The following VPS13D variants were observed in gnomAD, a reference collection of about 807,000 sequenced individuals.
VPS13D encodes intermembrane lipid transfer protein VPS13D.
Under a neutral mutation model 461.9 loss-of-function variants are expected in VPS13D, and 187 were observed. The ratio of observed to expected loss-of-function variants is 0.40; its 90% CI spans 0.36 to 0.46. VPS13D has a LOEUF of 0.46. Among genes scored for constraint, VPS13D ranks in the 20% least tolerant of loss-of-function variants. The pLI is 0.60. For synonymous variants in VPS13D, 1,951 were observed against 1,986.3 expected, an observed-to-expected ratio of 0.98 and a Z score of 0.47; for missense variants, 4,711 against 5,364.9, an observed-to-expected ratio of 0.88 and a Z score of 3.81.
intron 67 of VPS13D, among the ~76,000 whole-genome samples, chr1:12,468,147 G>A (rs1234425028): frequency 1.3e-5 from 2 of 152,122 alleles, no homozygotes; most frequent in African/African-American, 2.4e-5. Context: ...AAACTCTAAC[G>A]TGACACCTAA....
chr1:12,314,607 G>A lies in VPS13D; in HGVS notation c.7148+280G>A, dbSNP rs150765312. Among the ~76,000 whole-genome samples, 16 of 152,288 alleles carry A rather than the reference G, an allele frequency of 1.1e-4. No individual in the cohort carries two copies. The East Asian group carries it at 3.1e-3, about 29-fold the overall frequency. ...TGTAAGCTGTAGACTGTTTTAATTT[G>A]TAAAGTGGCTTGGAGAAGGAAGAAA... On this transcript the variant is annotated intron_variant, in intron 30 of 69. Transcript: ENST00000620676.
At chr1:12,261,509 A>G (rs116237596) in intron 12 of VPS13D, among the ~76,000 whole-genome samples, 73 of 152,370 alleles carry the variant, frequency 4.8e-4, no homozygotes, top group African/African-American at 1.6e-3. Context: ...TTCGAATTGA[A>G]TACAAGTAAA....
At chr1:12,380,602 G>T (rs796810478) in intron 57 of VPS13D, among the ~76,000 whole-genome samples, 7 of 152,346 alleles carry the variant, frequency 4.6e-5, no homozygotes, top group African/African-American at 1.7e-4. Flanking sequence ...AGGGGTCTGA[G>T]AAGTAGGAAG....
rs774400266 is a variant in VPS13D at position 12,276,754 on chromosome 1, G to T, written c.3166G>T (p.Ala1056Ser). 2 of 1,614,180 alleles carry T rather than the reference G, an allele frequency of 1.2e-6. No homozygotes were observed. Among genetic ancestry groups the T allele is most frequent in the East Asian group, 4.5e-5 (2 of 44,890 alleles). Residue 1056 changes from alanine to serine, a missense_variant, in exon 19 of 70, where the codon GCT (alanine) becomes TCT (serine). Coordinates refer to ENST00000620676, the MANE Select transcript of VPS13D (RefSeq NM_015378.4). This position sits in a 1 kb window ranked among gnomAD's most constrained non-coding sequence, Gnocchi z 4.5. ...GPNVAHLTDG[A>S]TLNDRSATSV... is the part of the protein sequence containing the mutation. ...GAATGTGGCCCACTTAACTGATGGAGCTACACTGAACGACCGATCAGCTAC... is the reference window on the plus strand; with the variant it reads ...GAATGTGGCCCACTTAACTGATGGATCTACACTGAACGACCGATCAGCTAC...
intron 63 of VPS13D, among the ~76,000 whole-genome samples, chr1:12,411,113 A>G (rs1644721401): frequency 6.6e-6 from 1 of 152,228 alleles, no homozygotes; most frequent in Admixed American, 6.5e-5. Flanking sequence ...AAAATAAGTC[A>G]AGGATGATCT....
intron 29 of VPS13D, 60 bp from the exon 30 acceptor site, chr1:12,314,055 C>T: frequency 6.7e-7 from 1 of 1,498,486 alleles, no homozygotes; most frequent in Non-Finnish European, 9.2e-7. Flanking sequence ...AACTTATATA[C>T]TTTTGTAAAA....
Position 12,460,192 on chromosome 1 carries a change from T to C in VPS13D, c.12467-9T>C. 1.3e-6 allele frequency: 2 copies of C among 1,563,016 alleles called. No individual in the cohort carries two copies. Among genetic ancestry groups the C allele is most frequent in the Non-Finnish European group, 1.7e-6 (2 of 1,153,286 alleles). ...GTCAGGTTACAACAGCCCTTGTCTT[T>C]TTCACTAGGTATCATTGGTGGACTG... On this transcript the variant is annotated splice_polypyrimidine_tract_variant and intron_variant, in intron 66 of 69. Transcript: ENST00000620676.
At chr1:12,396,372 G>A (rs746844874) in intron 60 of VPS13D, among the ~76,000 whole-genome samples, 27 of 152,122 alleles carry the variant, frequency 1.8e-4, no homozygotes, top group African/African-American at 6.0e-4. Context: ...TTAGATTGTC[G>A]CAAGTTTTTT....
rs184648124 is a variant in VPS13D at position 12,426,433 on chromosome 1, A to T, written c.12333+9606A>T. Among the ~76,000 whole-genome samples, 8 of 152,344 alleles carry T rather than the reference A, an allele frequency of 5.3e-5. No individual in the cohort carries two copies. The East Asian group carries it at 1.5e-3, about 29-fold the overall frequency. On this transcript the variant is annotated intron_variant, in intron 65 of 69. Coordinates refer to ENST00000620676, the MANE Select transcript of VPS13D (RefSeq NM_015378.4). ...AGCATTTCTAAACAACTAGGATATC[A>T]TTTTAAAATAATAGTGTTTAATTTT... is the stretch of plus-strand genomic sequence containing the variant.
chr1:12,296,259 C>T (rs1642272919), intron 24 of VPS13D, among the ~76,000 whole-genome samples: 2 of 152,178 alleles, frequency 1.3e-5, no homozygotes, highest in Non-Finnish European at 2.9e-5. Flanking sequence ...TCCAAAACAG[C>T]TGTCTCAATG....
chr1:12,321,227 A>T (rs1238703759), intron 32 of VPS13D, among the ~76,000 whole-genome samples: 1 of 152,202 alleles, frequency 6.6e-6, no homozygotes, highest in Non-Finnish European at 1.5e-5. Flanking sequence ...ATATATACCT[A>T]TCACCCAGTT....
At chr1:12,270,502 A>G (rs1442200047) in intron 16 of VPS13D, among the ~76,000 whole-genome samples, 18 of 152,188 alleles carry the variant, frequency 1.2e-4, no homozygotes, top group Non-Finnish European at 7.3e-5. Flanking sequence ...TTCCTTTGAA[A>G]TTCCATTTTC....
chr1:12,302,832 C>CTTTT (rs60602915), intron 25 of VPS13D, among the ~76,000 whole-genome samples: 2 of 121,138 alleles, frequency 1.7e-5, no homozygotes, highest in African/African-American at 3.1e-5. Context: ...AAAAGAATTC[C>CTTTT]TTTTTTTTTT....
At chr1:12,415,041 G>T (rs767906436) in intron 63 of VPS13D, 46 bp from the exon 64 acceptor site, 2 of 1,603,476 alleles carry the variant, frequency 1.2e-6, no homozygotes, top group African/African-American at 2.7e-5. Flanking sequence ...ATCACAGAAG[G>T]CCATCATATG....
At chr1:12,437,840 CT>C (rs981076552) in intron 65 of VPS13D, among the ~76,000 whole-genome samples, 7 of 152,154 alleles carry the variant, frequency 4.6e-5, no homozygotes, top group Non-Finnish European at 8.8e-5. Context: ...GATGTTTTCC[CT>C]GCGCTCAAAA....
At chr1:12,368,386 AT>A in intron 52 of VPS13D, 81 bp from the exon 53 acceptor site, 1 of 1,497,000 alleles carries the variant, frequency 6.7e-7, no homozygotes, top group Non-Finnish European at 9.0e-7. Flanking sequence ...CAGTGTTGTG[AT>A]TGTCAGAAAT....
At chr1:12,416,134 G>A (rs1342749660) in intron 64 of VPS13D, among the ~76,000 whole-genome samples, 1 of 152,186 alleles carries the variant, frequency 6.6e-6, no homozygotes, top group Non-Finnish European at 1.5e-5. Context: ...AGTGAGCCAC[G>A]GTGATGCCAC....
At chr1:12,426,443 AAT>A (rs1570148890) in intron 65 of VPS13D, among the ~76,000 whole-genome samples, 1 of 152,352 alleles carries the variant, frequency 6.6e-6, no homozygotes, top group African/African-American at 2.4e-5. Context: ...ATTTTAAAAT[AAT>A]AGTGTTTAAT....
intron 67 of VPS13D, among the ~76,000 whole-genome samples, chr1:12,467,873 A>G (rs1005303137): frequency 6.6e-6 from 1 of 152,128 alleles, no homozygotes; most frequent in Non-Finnish European, 1.5e-5. Flanking sequence ...TGGCATGCAG[A>G]GATGACTGAC....
Sources: allele counts gnomAD v4.1 joint callset (sites outside exome capture counted in the v4.1 genomes callset), GRCh38; gene constraint gnomAD v4.1.1; non-coding constraint Gnocchi (gnomAD v3.1); transcripts MANE v1.5; gene names NCBI Gene and HGNC (gene_info 2026-07-23, HGNC 2026-07-21).